The following GOPC variants were observed in gnomAD, a reference collection of about 807,000 sequenced individuals.
GOPC encodes golgi associated PDZ and coiled-coil motif containing.
In GOPC, 32 loss-of-function variants were observed where a neutral mutation model predicts 51.2. The observed-to-expected ratio is 0.63, with a 90% CI of 0.47 to 0.84. The LOEUF is 0.84. Ranked by LOEUF, GOPC falls within the 40% of genes least tolerant of loss-of-function variation. The probability of loss-of-function intolerance (pLI) is 0.00; values close to 1 mark genes in which losing one functional copy is unlikely to be tolerated. For missense variants in GOPC, 441 were observed against 555.5 expected, an observed-to-expected ratio of 0.79 and a Z score of 2.07; for synonymous variants, 190 against 205.1, an observed-to-expected ratio of 0.93 and a Z score of 0.63.
Position 117,566,901 on chromosome 6 carries a change from G to C in GOPC, c.1211C>G (p.Pro404Arg). Residue 404 changes from proline (P) to arginine (R), a missense_variant, in exon 8 of 9, where the codon CCT (proline) becomes CGT (arginine). Physicochemically the swap from Pro to Arg is moderately radical, Grantham distance 103 (BLOSUM62 -2). Around this residue, in one of 3 missense-constraint regions of GOPC, gnomAD observed 71 missense variants for 68.8 expected, o/e 1.03. Transcript: ENST00000368498. ...YLDELEGGGN[P>R]GASCKDTSGE... ...ACTTGTGTCTTTGCAACTAGCACCAGGGTTACCACCTCCTTCTAACTCATC... is the reference window on the plus strand; with the variant it reads ...ACTTGTGTCTTTGCAACTAGCACCACGGTTACCACCTCCTTCTAACTCATC... The C allele has an allele frequency of 6.2e-7, 1 of 1,606,024 alleles. No homozygotes were observed. Among genetic ancestry groups the C allele is most frequent in the Admixed American group, 1.7e-5 (1 of 58,516 alleles).
At chr6:117,571,041 T>C in intron 5 of GOPC, 86 bp from the exon 6 acceptor site, 1 of 542,588 alleles carries the variant, frequency 1.8e-6, no homozygotes, top group East Asian at 2.9e-5. Flanking sequence ...AACTTGCTTT[T>C]AGAAATCTGT....
intron 7 of GOPC, among the ~76,000 whole-genome samples, chr6:117,567,348 CAGTTTT>C (rs2114604096): frequency 6.6e-6 from 1 of 152,182 alleles, no homozygotes; most frequent in Non-Finnish European, 1.5e-5. Flanking sequence ...AACAAGTATT[CAGTTTT>C]AAAGTTATTT....
In GOPC at chr6:117,602,126, T is replaced by C. The variant is rs780390175; in HGVS notation, c.163A>G (p.Ile55Val). 6.2e-7 allele frequency: 1 copy of C among 1,614,068 alleles called. No individual in the cohort carries two copies. Among genetic ancestry groups the C allele is most frequent in the South Asian group, 1.1e-5 (1 of 91,078 alleles). The stretch of plus-strand genomic sequence containing the variant: ...GTGATGTCCGCTTGGTCTGGATCGA[T>C]CTCTCCCAGGAGCAGATCCACATCC... ...FVDVDLLLGE[I>V]DPDQADITYE... is the part of the protein sequence containing the mutation. The change falls in exon 1 of 9, where the codon ATC becomes GTC. Residue 55 changes from isoleucine (I) to valine (V), a missense_variant. This residue lies in a region of GOPC where 204 missense variants were observed against 219.8 expected (regional missense o/e 0.93). Coordinates refer to ENST00000368498, the MANE Select transcript of GOPC (RefSeq NM_020399.4).
chr6:117,575,174 CA>C lies in GOPC; in HGVS notation c.650+2del, dbSNP rs1562141196. On this transcript the variant is annotated splice_donor_variant, in intron 4 of 8. Coordinates refer to ENST00000368498, the MANE Select transcript of GOPC (RefSeq NM_020399.4). LOFTEE classifies it high-confidence loss of function. The stretch of plus-strand genomic sequence containing the variant: ...AGTACAATAATACCCATTTTTTACA[CA>C]CCTTCCTGCCAGTTCCTTATCCAAG... 1 of 1,586,952 alleles carries C rather than the reference CA, an allele frequency of 6.3e-7. No individual in the cohort carries two copies. The highest frequency in any genetic ancestry group is 1.4e-5 in the African/African-American group (1 of 73,356).
chr6:117,600,156 C>G (rs1204824567), intron 1 of GOPC, among the ~76,000 whole-genome samples: 2 of 152,198 alleles, frequency 1.3e-5, no homozygotes, highest in Non-Finnish European at 2.9e-5. Flanking sequence ...CGAGAGCCTT[C>G]TTGCTGGCAG....
chr6:117,593,839 T>C (rs1780154213), intron 1 of GOPC, among the ~76,000 whole-genome samples: 1 of 152,196 alleles, frequency 6.6e-6, no homozygotes, highest in African/African-American at 2.4e-5. Context: ...AACTCCCTCA[T>C]CCCTCTGTTC....
At chr6:117,586,380 C>A (rs2114621034) in intron 1 of GOPC, among the ~76,000 whole-genome samples, 1 of 151,996 alleles carries the variant, frequency 6.6e-6, no homozygotes, top group South Asian at 2.1e-4. Context: ...TTATGCAAAT[C>A]CCCTTTTCTC....
At chr6:117,596,998 T>C (rs932042762) in intron 1 of GOPC, among the ~76,000 whole-genome samples, 6 of 152,222 alleles carry the variant, frequency 3.9e-5, no homozygotes, top group African/African-American at 1.4e-4. Context: ...TTTCACAATA[T>C]TGATTCTACC....
chr6:117,584,699 C>A (rs1247719619), intron 1 of GOPC, among the ~76,000 whole-genome samples: 1 of 151,202 alleles, frequency 6.6e-6, no homozygotes, highest in Non-Finnish European at 1.5e-5. Context: ...GGATGCCCGT[C>A]CCCTCCAAAT....
At chr6:117,578,805 G>A (rs1779918464) in intron 2 of GOPC, 95 bp downstream of exon 2, 1 of 700,464 alleles carries the variant, frequency 1.4e-6, no homozygotes. Context: ...CCCACAATAA[G>A]CACATATATT....
chr6:117,561,443 A>G lies in GOPC; in HGVS notation c.*1811T>C. On this transcript the variant is annotated 3_prime_UTR_variant, in exon 9 of 9. Transcript: ENST00000368498. ...TAAGAATAACATGGTTTCATGTCACAGCAAAAAGGTTTTCGGGTCTGCTAC... is the reference window on the plus strand; with the variant it reads ...TAAGAATAACATGGTTTCATGTCACGGCAAAAAGGTTTTCGGGTCTGCTAC... The G allele has an allele frequency of 4.5e-6, 1 of 223,286 alleles. No individual in the cohort carries two copies. Among genetic ancestry groups the G allele is most frequent in the East Asian group, 6.5e-5 (1 of 15,448 alleles). The allele number at this position is 223,286 out of a possible 1,614,324, so 13.8% of individuals were successfully genotyped here. A position where few individuals can be genotyped will look rare whatever the true frequency, so the allele number is the denominator to read the frequency against.
In GOPC at chr6:117,589,599, C is replaced by T. The variant is rs145155209; in HGVS notation, c.286-10535G>A. On this transcript the variant is annotated intron_variant, in intron 1 of 8. Transcript: ENST00000368498. The stretch of plus-strand genomic sequence containing the variant: ...CTTCCCAAAGTGTTGGGATTACAGG[C>T]GTGAGCCACTGCGCCCAGCCCTAAT... 8.2e-3 allele frequency among the ~76,000 whole-genome samples: 1,252 copies of T among 151,870 alleles called. 15 individuals carry two copies. Among genetic ancestry groups the T allele is most frequent in the African/African-American group, 0.026 (1,089 of 41,384 alleles).
intron 1 of GOPC, among the ~76,000 whole-genome samples, chr6:117,592,139 G>T (rs1310637150): frequency 6.6e-6 from 1 of 152,194 alleles, no homozygotes; most frequent in Non-Finnish European, 1.5e-5. Context: ...GGCCAAGGCG[G>T]GAGGATCACT....
At chr6:117,579,294 A>G (rs1231399175) in intron 1 of GOPC, among the ~76,000 whole-genome samples, 1 of 152,108 alleles carries the variant, frequency 6.6e-6, no homozygotes, top group African/African-American at 2.4e-5. Context: ...ATCTTCTAAT[A>G]ACACAGAATG....
rs1000787655 is a variant in GOPC, at chr6:117,562,583, G to A, written c.*671C>T. The A allele has an allele frequency of 4.9e-6, 1 of 202,206 alleles. No homozygotes were observed. Among genetic ancestry groups the A allele is most frequent in the East Asian group, 7.7e-5 (1 of 12,926 alleles). 12.5% of individuals were successfully genotyped at this position (202,206 alleles called of 1,614,324 possible). A position where few individuals can be genotyped will look rare whatever the true frequency, so the allele number is the denominator to read the frequency against. On this transcript the variant is annotated 3_prime_UTR_variant, in exon 9 of 9. Transcript: ENST00000368498. The stretch of plus-strand genomic sequence containing the variant: ...TTTTAAAAAACAAAAAAAGTAAAAT[G>A]TTTAGTAACTTTTGAGAATCTATTT...
In GOPC at chr6:117,601,938, A is replaced by T. The variant is rs1168839200; in HGVS notation, c.285+66T>A. ...CTAGGGTCGTTTCACTGGAGCGTTA[A>T]ATGGCATCTGACGCCACCGGGCAGC... On this transcript the variant is annotated intron_variant, in intron 1 of 8. Transcript: ENST00000368498. The T allele has an allele frequency of 4.5e-6, 7 of 1,549,464 alleles. No individual in the cohort carries two copies. In the East Asian group the frequency reaches 9.1e-5, roughly 20 times the overall value.
At chr6:117,573,743 A>T in intron 4 of GOPC, 111 bp from the exon 5 acceptor site, 10 of 831,886 alleles carry the variant, frequency 1.2e-5, no homozygotes, top group Non-Finnish European at 1.8e-5. Context: ...ATTAGTGATA[A>T]AACTAATACT....
intron 1 of GOPC, among the ~76,000 whole-genome samples, chr6:117,598,547 G>A (rs543344872): frequency 7.6e-4 from 115 of 152,264 alleles, no homozygotes; most frequent in Non-Finnish European, 1.8e-4. Context: ...ACAGCGTGGG[G>A]ATGGTTTCAA....
rs1012632544 is a variant in GOPC, at chr6:117,564,180, A to G, written c.1259-796T>C. On this transcript the variant is annotated intron_variant, in intron 8 of 8. Coordinates refer to ENST00000368498, the MANE Select transcript of GOPC (RefSeq NM_020399.4). ...TTTTTTTGAAGAGACAGGGTTCACT[A>G]TGTTGCCCAGGTTGGTAACTCCTGG... Among the ~76,000 whole-genome samples, 87 of 151,996 alleles carry G rather than the reference A, an allele frequency of 5.7e-4. 1 individual carries two copies. The highest frequency in any genetic ancestry group is 5.7e-3 in the Admixed American group (87 of 15,252).
Sources: allele counts gnomAD v4.1 joint callset (sites outside exome capture counted in the v4.1 genomes callset), GRCh38; gene constraint gnomAD v4.1.1; regional missense constraint gnomAD v4.1.1; transcripts MANE v1.5; gene names NCBI Gene and HGNC (gene_info 2026-07-23, HGNC 2026-07-21).